Variants in NINL observed in about 807,000 individuals in gnomAD.
NINL encodes ninein like, also known as ninein-like protein.
In NINL, 153 loss-of-function variants were observed where a neutral mutation model predicts 160.3. The ratio of observed to expected loss-of-function variants is 0.95; its 90% CI spans 0.84 to 1.09. The LOEUF (loss-of-function observed/expected upper bound fraction) is 1.09, where lower values mean the gene tolerates loss of function less well. NINL is among the 50% of genes least tolerant of loss of function. The pLI is 0.00. For synonymous variants in NINL, 800 were observed against 734.8 expected, an observed-to-expected ratio of 1.09 and a Z score of -1.43; for missense variants, 1,829 against 1,764.0, an observed-to-expected ratio of 1.04 and a Z score of -0.66.
chr20:25,573,804 C>T (rs978131297), intron 1 of NINL, among the ~76,000 whole-genome samples: 3 of 152,240 alleles, frequency 2.0e-5, no homozygotes, highest in Non-Finnish European at 4.4e-5. Context: ...ATTTCTAAGT[C>T]TGACACACAT....
chr20:25,512,938 C>A lies in NINL; in HGVS notation c.346G>T (p.Glu116Ter). ...SKWYGRRSRPELCDAATEARR... is the reference protein window; with the variant it reads ...SKWYGRRSRP The stretch of plus-strand genomic sequence containing the variant: ...GCTTCTGTGGCAGCGTCACATAGCT[C>A]AGGCCGGCTCCGACGGCCATACCAC... Residue 116 changes from glutamate (E) to a stop codon, truncating the protein, a stop_gained, in exon 4 of 24, where the codon GAG becomes TAG. Transcript: ENST00000278886. LOFTEE classifies it high-confidence loss of function. 1 of 1,614,142 alleles carries A rather than the reference C, an allele frequency of 6.2e-7. No homozygotes were observed. Among genetic ancestry groups the A allele is most frequent in the Non-Finnish European group, 8.5e-7 (1 of 1,179,980 alleles).
At chr20:25,458,286 T>G in intron 22 of NINL, 97 bp downstream of exon 22, 1 of 1,474,672 alleles carries the variant, frequency 6.8e-7, no homozygotes, top group Non-Finnish European at 9.4e-7. Flanking sequence ...GACTCATGTA[T>G]TCACAGTTGT....
intron 1 of NINL, among the ~76,000 whole-genome samples, chr20:25,546,812 C>G (rs1225279532): frequency 6.6e-6 from 1 of 151,470 alleles, no homozygotes; most frequent in African/African-American, 2.4e-5. Flanking sequence ...TGCCTCAGGT[C>G]AGCTGGGCTG....
intron 10 of NINL, among the ~76,000 whole-genome samples, chr20:25,495,724 C>T (rs922570793): frequency 3.3e-5 from 5 of 152,260 alleles, no homozygotes; most frequent in African/African-American, 9.6e-5. Context: ...CCCAGGCAGA[C>T]ATGTGCCCCA....
intron 1 of NINL, among the ~76,000 whole-genome samples, chr20:25,565,083 C>T (rs6037144): frequency 9.9e-5 from 15 of 152,260 alleles, no homozygotes; most frequent in African/African-American, 3.6e-4. Context: ...TTTGTTACAT[C>T]TCCAAAAGCC....
Position 25,476,210 on chromosome 20 carries a change from C to A in NINL, c.3081G>T (p.Gln1027His). ...GCCAGGAACCCTGCGGGTCTGCGAGCTGGAGGTGGGATGGCAAGGACCCTC... is the reference window on the plus strand; with the variant it reads ...GCCAGGAACCCTGCGGGTCTGCGAGATGGAGGTGGGATGGCAAGGACCCTC... Reference protein sequence around the residue: ...ARRGSLPSHLQLADPQGSWQE... With the variant: ...ARRGSLPSHLHLADPQGSWQE... Residue 1027 changes from glutamine to histidine, a missense_variant, in exon 17 of 24, where the codon CAG becomes CAT. By Grantham distance (24) the Gln-to-His change is conservative (BLOSUM62 0). Coordinates refer to ENST00000278886, the MANE Select transcript of NINL (RefSeq NM_025176.6). The A allele has an allele frequency of 6.2e-7, 1 of 1,614,194 alleles. No individual in the cohort carries two copies. The highest frequency in any genetic ancestry group is 2.2e-5 in the East Asian group (1 of 44,874).
At chr20:25,546,555 A>G (rs1476600988) in intron 1 of NINL, among the ~76,000 whole-genome samples, 1 of 152,198 alleles carries the variant, frequency 6.6e-6, no homozygotes, top group Non-Finnish European at 1.5e-5. Context: ...TAAAATCAGA[A>G]GATAAATGAC....
chr20:25,501,469 G>A (rs114086901), intron 7 of NINL, among the ~76,000 whole-genome samples: 1,879 of 152,276 alleles, frequency 0.012, 36 homozygotes, highest in African/African-American at 0.04. Flanking sequence ...GCAGAAGTGC[G>A]CTGGCCCAGG....
In NINL at chr20:25,453,315, A is replaced by G. The variant is rs1389041137; in HGVS notation, c.*136T>C. On this transcript the variant is annotated 3_prime_UTR_variant, in exon 24 of 24. Transcript: ENST00000278886. Reference sequence around the variant, plus strand: ...GCCCAGGGCAGACCATTCATTAACTATCTGCGGGGTGAACAAAGAATCCCA... The same window carrying G: ...GCCCAGGGCAGACCATTCATTAACTGTCTGCGGGGTGAACAAAGAATCCCA... 12 of 732,876 alleles carry G rather than the reference A, an allele frequency of 1.6e-5. No homozygotes were observed. The highest frequency in any genetic ancestry group is 3.1e-5 in the Admixed American group (1 of 32,100). The allele number at this position is 732,876 out of a possible 1,614,324, so 45.4% of individuals were successfully genotyped here.
rs2063630302 is a variant in NINL at position 25,491,374 on chromosome 20, C to T, written c.1462G>A (p.Glu488Lys). The T allele has an allele frequency of 2.5e-6, 4 of 1,610,148 alleles. No individual in the cohort carries two copies. Among genetic ancestry groups the T allele is most frequent in the Non-Finnish European group, 2.5e-6 (3 of 1,179,552 alleles). The change falls in exon 11 of 24, where the codon GAG becomes AAG. Residue 488 changes from glutamate (E) to lysine (K), a missense_variant. Glu to Lys is a moderately conservative substitution (Grantham distance 56, BLOSUM62 1). Transcript: ENST00000278886. ...RLQAEEAGLR[E>K]KLTLALKENS... Reference sequence around the variant, plus strand: ...ACCTTCAGGGCCAGGGTCAGCTTCTCGCGGAGGCCAGCCTCCTCAGCCTGC... The same window carrying T: ...ACCTTCAGGGCCAGGGTCAGCTTCTTGCGGAGGCCAGCCTCCTCAGCCTGC...
intron 1 of NINL, among the ~76,000 whole-genome samples, chr20:25,577,529 T>C (rs1682426928): frequency 6.6e-6 from 1 of 152,190 alleles, no homozygotes; most frequent in South Asian, 2.1e-4. Flanking sequence ...CCGAGCAGAC[T>C]CTCCCTGTTG....
At chr20:25,468,585 CTGGTCTG>C (rs2062985717) in intron 18 of NINL, among the ~76,000 whole-genome samples, 1 of 139,696 alleles carries the variant, frequency 7.2e-6, no homozygotes, top group African/African-American at 2.7e-5. Flanking sequence ...TCCCCTGTCA[CTGGTCTG>C]TGCCCCTCTG....
intron 8 of NINL, among the ~76,000 whole-genome samples, chr20:25,499,861 T>C (rs771079246): frequency 4.0e-5 from 6 of 148,806 alleles, no homozygotes; most frequent in Admixed American, 6.8e-5. Context: ...GAGGACATCG[T>C]TGCATTATAA....
At chr20:25,567,701 C>T (rs1245333609) in intron 1 of NINL, among the ~76,000 whole-genome samples, 1 of 152,006 alleles carries the variant, frequency 6.6e-6, no homozygotes, top group Non-Finnish European at 1.5e-5. Flanking sequence ...TATATCAATA[C>T]ATTTAAAAGA....
At chr20:25,458,869 C>T (rs1287091058) in intron 21 of NINL, 2 of 267,886 alleles carry the variant, frequency 7.5e-6, no homozygotes, top group South Asian at 1.4e-4. Context: ...ACAACGACCA[C>T]GCCAGTTCTC....
chr20:25,529,543 G>A (rs4813570), intron 1 of NINL, among the ~76,000 whole-genome samples: 12,153 of 152,154 alleles, frequency 0.08, 713 homozygotes, highest in South Asian at 0.19. Flanking sequence ...GGGCGAAGAC[G>A]AGTGAACTGT....
At chr20:25,579,190 C>A (rs1043081083) in intron 1 of NINL, among the ~76,000 whole-genome samples, 6 of 152,042 alleles carry the variant, frequency 3.9e-5, no homozygotes, top group Non-Finnish European at 7.4e-5. Context: ...CAGCAGGGGA[C>A]ATGGAATTTG....
At chr20:25,455,896 C>T in intron 22 of NINL, 110 bp from the exon 23 acceptor site, 1 of 760,706 alleles carries the variant, frequency 1.3e-6, no homozygotes, top group Non-Finnish European at 2.3e-6. Flanking sequence ...AGTTTGAGAC[C>T]AACCTGGCCA....
chr20:25,574,913 C>T (rs916966049), intron 1 of NINL, among the ~76,000 whole-genome samples: 32 of 151,904 alleles, frequency 2.1e-4, no homozygotes, highest in African/African-American at 7.7e-4. Context: ...TGAGATGCCA[C>T]TAATTCTAAG....
Sources: allele counts gnomAD v4.1 joint callset (sites outside exome capture counted in the v4.1 genomes callset), GRCh38; gene constraint gnomAD v4.1.1; transcripts MANE v1.5; gene names NCBI Gene and HGNC (gene_info 2026-07-23, HGNC 2026-07-21).